The following SH3RF3 variants were observed in gnomAD, a reference collection of about 807,000 sequenced individuals.
The protein encoded by SH3RF3 is E3 ubiquitin-protein ligase SH3RF3.
Under a neutral mutation model 66.3 loss-of-function variants are expected in SH3RF3, and 29 were observed. The ratio of observed to expected loss-of-function variants is 0.44; its 90% CI spans 0.33 to 0.60. The LOEUF (loss-of-function observed/expected upper bound fraction) is 0.60, where lower values mean the gene tolerates loss of function less well. Ranked by LOEUF, SH3RF3 falls within the 20% of genes least tolerant of loss-of-function variation. The pLI is 0.04. For synonymous variants in SH3RF3, 583 were observed against 532.0 expected (o/e 1.10, Z -1.32); for missense variants, 1,194 against 1,190.9 (o/e 1.00, Z -0.04).
intron 1 of SH3RF3, among the ~76,000 whole-genome samples, chr2:109,150,343 G>A (rs1677199801): frequency 6.6e-6 from 1 of 152,138 alleles, no homozygotes; most frequent in South Asian, 2.1e-4. Flanking sequence ...GAGGATGGCC[G>A]AGGCAGGTGG....
At chr2:109,360,590 CT>C (rs1324483226) in intron 2 of SH3RF3, among the ~76,000 whole-genome samples, 1 of 152,206 alleles carries the variant, frequency 6.6e-6, no homozygotes. Context: ...GTCCAAAACA[CT>C]TTTGGTCTCA....
chr2:109,433,479 C>G (rs1389034310), intron 6 of SH3RF3, among the ~76,000 whole-genome samples: 2 of 152,200 alleles, frequency 1.3e-5, no homozygotes, highest in African/African-American at 2.4e-5. Flanking sequence ...ATCAGTCAGC[C>G]TCACTCACAG....
chr2:109,220,649 A>G (rs561073777), intron 1 of SH3RF3, among the ~76,000 whole-genome samples: 4 of 152,370 alleles, frequency 2.6e-5, no homozygotes, highest in Admixed American at 2.6e-4. Flanking sequence ...ACAAATGGCC[A>G]GTAAGCACAT....
At chr2:109,252,735 A>C (rs1680125502) in intron 1 of SH3RF3, among the ~76,000 whole-genome samples, 4 of 152,248 alleles carry the variant, frequency 2.6e-5, no homozygotes, top group Admixed American at 2.6e-4. Context: ...TGGCTAATGT[A>C]ATCAGCCTAC....
intron 2 of SH3RF3, among the ~76,000 whole-genome samples, chr2:109,358,854 T>C (rs1683002489): frequency 6.6e-6 from 1 of 152,236 alleles, no homozygotes; most frequent in South Asian, 2.1e-4. Context: ...AAAAAGTCAT[T>C]GCCAAACCCA....
Position 109,371,680 on chromosome 2 carries a change from A to T in SH3RF3, c.944A>T (p.Glu315Val). The T allele has an allele frequency of 6.2e-7, 1 of 1,613,414 alleles. No individual in the cohort carries two copies. Among genetic ancestry groups the T allele is most frequent in the Non-Finnish European group, 8.5e-7 (1 of 1,179,656 alleles). ...KIGIFPLLYVELNDSAKQLIE... is the reference protein window; with the variant it reads ...KIGIFPLLYVVLNDSAKQLIE... ...GGGATCTTCCCGCTCCTGTACGTGG[A>T]GGTAAGACCGTGCCGCCCTCCCACA... is the stretch of plus-strand genomic sequence containing the variant. The change falls in exon 3 of 10, where the codon GAG becomes GTG. Residue 315 changes from glutamate (E) to valine (V), a missense_variant and splice_region_variant. Transcript: ENST00000309415.
intron 4 of SH3RF3, among the ~76,000 whole-genome samples, chr2:109,410,662 C>G (rs1272286080): frequency 7.2e-5 from 11 of 152,244 alleles, no homozygotes. Flanking sequence ...TGCATGTCAG[C>G]CAGCTCCTTC....
chr2:109,251,260 C>G (rs1198786016), intron 1 of SH3RF3, among the ~76,000 whole-genome samples: 6 of 152,212 alleles, frequency 3.9e-5, no homozygotes, highest in African/African-American at 1.4e-4. Flanking sequence ...GCCTCAGCCT[C>G]CCAAAGTGCT....
At chr2:109,375,879 G>A (rs775345122) in intron 3 of SH3RF3, among the ~76,000 whole-genome samples, 1 of 152,250 alleles carries the variant, frequency 6.6e-6, no homozygotes, top group African/African-American at 2.4e-5. Flanking sequence ...AGTTCAGGGC[G>A]ATGCGGGCTT....
chr2:109,249,207 T>A (rs1179295647), intron 1 of SH3RF3, among the ~76,000 whole-genome samples: 3 of 152,206 alleles, frequency 2.0e-5, no homozygotes, highest in African/African-American at 7.2e-5. Context: ...TAACTTCAGC[T>A]AAGCAACTCC....
chr2:109,318,865 G>A (rs1681950670), intron 1 of SH3RF3, among the ~76,000 whole-genome samples: 2 of 152,252 alleles, frequency 1.3e-5, no homozygotes, highest in Non-Finnish European at 2.9e-5. Flanking sequence ...ATGAACTTCT[G>A]GAACCAAAGC....
At chr2:109,210,734 C>T (rs1316798312) in intron 1 of SH3RF3, among the ~76,000 whole-genome samples, 7 of 152,066 alleles carry the variant, frequency 4.6e-5, no homozygotes, top group African/African-American at 1.7e-4. Context: ...TGGGTGTAGG[C>T]AGGGAGGAAA....
At chr2:109,353,929 T>A (rs1324778457) in intron 2 of SH3RF3, among the ~76,000 whole-genome samples, 2 of 151,972 alleles carry the variant, frequency 1.3e-5, no homozygotes, top group African/African-American at 4.8e-5. Context: ...TTCAGATACG[T>A]GAACACGATG....
intron 4 of SH3RF3, among the ~76,000 whole-genome samples, chr2:109,409,718 C>T (rs1389299948): frequency 6.6e-6 from 1 of 152,026 alleles, no homozygotes; most frequent in Non-Finnish European, 1.5e-5. Flanking sequence ...TCGAGAGGCA[C>T]GCGGGGCCTC....
At chr2:109,372,774 T>C (rs113637194) in intron 3 of SH3RF3, among the ~76,000 whole-genome samples, 2,953 of 152,300 alleles carry the variant, frequency 0.019, 93 homozygotes, top group African/African-American at 0.061. Flanking sequence ...AGCTCAGTGC[T>C]GGGCTCCATG....
intron 1 of SH3RF3, among the ~76,000 whole-genome samples, chr2:109,187,209 T>A (rs1678213343): frequency 6.6e-6 from 1 of 152,258 alleles, no homozygotes; most frequent in African/African-American, 2.4e-5. Flanking sequence ...TCGGTTTACT[T>A]GTTATCTTAG....
At chr2:109,263,655 A>T (rs1196090738) in intron 1 of SH3RF3, among the ~76,000 whole-genome samples, 3 of 152,140 alleles carry the variant, frequency 2.0e-5, no homozygotes, top group Non-Finnish European at 4.4e-5. Flanking sequence ...GTCAGTGGAG[A>T]GACTGTACTA....
chr2:109,324,290 G>A (rs1225228594), intron 1 of SH3RF3, among the ~76,000 whole-genome samples: 1 of 152,108 alleles, frequency 6.6e-6, no homozygotes, highest in African/African-American at 2.4e-5. Context: ...AGTTTTTTGT[G>A]GACAGGTTTC....
chr2:109,232,855 A>T (rs2105191230), intron 1 of SH3RF3, among the ~76,000 whole-genome samples: 1 of 152,332 alleles, frequency 6.6e-6, no homozygotes. Flanking sequence ...GGTTCAATTT[A>T]TACACAGTAG....
Sources: allele counts gnomAD v4.1 joint callset (sites outside exome capture counted in the v4.1 genomes callset), GRCh38; gene constraint gnomAD v4.1.1; transcripts MANE v1.5; gene names NCBI Gene and HGNC (gene_info 2026-07-23, HGNC 2026-07-21).